SLC30A8: variants seen among roughly 807,000 people sequenced by gnomAD.
SLC30A8 encodes proton-coupled zinc antiporter SLC30A8.
SLC30A8 carries 27 observed loss-of-function variants against 36.9 expected under a neutral mutation model. That is an observed-to-expected ratio of 0.73 (90% confidence interval 0.54 to 1.01). The LOEUF (loss-of-function observed/expected upper bound fraction) is 1.01. Among genes scored for constraint, SLC30A8 ranks in the 50% least tolerant of loss-of-function variants. The pLI, the probability that SLC30A8 is intolerant of heterozygous loss-of-function variation, is 0.00. For missense variants in SLC30A8, 439 were observed against 452.0 expected (o/e 0.97, Z 0.26); for synonymous variants, 164 against 172.4 (o/e 0.95, Z 0.38).
At chr8:117,107,195 A>T (rs983318292) in intron 2 of SLC30A8, among the ~76,000 whole-genome samples, 1 of 152,174 alleles carries the variant, frequency 6.6e-6, no homozygotes, top group Non-Finnish European at 1.5e-5. Flanking sequence ...CATCCTTATT[A>T]AAATAAGCTT....
intron 2 of SLC30A8, among the ~76,000 whole-genome samples, chr8:117,079,261 C>T (rs538319063): frequency 4.6e-5 from 7 of 152,236 alleles, no homozygotes; most frequent in South Asian, 2.1e-4. Flanking sequence ...CTGCCTGTCT[C>T]GGCCCCCTAA....
chr8:117,060,489 G>A (rs781060886), intron 2 of SLC30A8, among the ~76,000 whole-genome samples: 53 of 152,112 alleles, frequency 3.5e-4, no homozygotes, highest in Non-Finnish European at 6.6e-4. Flanking sequence ...GCAAAGGGAG[G>A]TGCATAGCCA....
chr8:116,971,606 G>T (rs185838495), intron 1 of SLC30A8, among the ~76,000 whole-genome samples: 2 of 150,144 alleles, frequency 1.3e-5, no homozygotes, highest in East Asian at 3.9e-4. Context: ...TTTTTTTCCA[G>T]AATCTTTTCC....
chr8:117,068,619 C>G (rs1818237177), intron 2 of SLC30A8, among the ~76,000 whole-genome samples: 1 of 152,108 alleles, frequency 6.6e-6, no homozygotes, highest in African/African-American at 2.4e-5. Context: ...CTCTGTCACC[C>G]AGGCTGGAGT....
intron 2 of SLC30A8, among the ~76,000 whole-genome samples, chr8:117,052,386 T>A (rs1381456087): frequency 2.6e-5 from 4 of 152,238 alleles, no homozygotes; most frequent in African/African-American, 4.8e-5. Flanking sequence ...ACTAACACAA[T>A]CTGCATCTAG....
chr8:117,065,972 G>A (rs1013162643), intron 2 of SLC30A8, among the ~76,000 whole-genome samples: 2 of 152,060 alleles, frequency 1.3e-5, no homozygotes, highest in Admixed American at 1.3e-4. Context: ...GCCACAGATG[G>A]ATCCCATGGC....
intron 2 of SLC30A8, among the ~76,000 whole-genome samples, chr8:117,115,286 C>T (rs1019644381): frequency 3.3e-5 from 5 of 151,942 alleles, no homozygotes; most frequent in African/African-American, 1.2e-4. Flanking sequence ...AGGAACTGCT[C>T]TAGTTGGTAT....
chr8:117,092,850 G>A (rs1819189924), intron 2 of SLC30A8, among the ~76,000 whole-genome samples: 1 of 152,202 alleles, frequency 6.6e-6, no homozygotes, highest in Admixed American at 6.5e-5. Context: ...CCTTGCTTCG[G>A]ACTGGAGTGA....
At chr8:117,109,695 C>A (rs548477471) in intron 2 of SLC30A8, among the ~76,000 whole-genome samples, 1 of 152,190 alleles carries the variant, frequency 6.6e-6, no homozygotes, top group Non-Finnish European at 1.5e-5. Flanking sequence ...TCGGTATTTA[C>A]GTCTGTTGAA....
rs139633237 is a variant in SLC30A8 at position 117,026,962 on chromosome 8, C to T, written c.-265-12257C>T. The stretch of plus-strand genomic sequence containing the variant: ...GGTGTGACTGATTCCATGGTCCGGG[C>T]GCCACTAGATTACCCTAACACTTTG... On this transcript the variant is annotated intron_variant, in intron 1 of 10. Coordinates refer to the SLC30A8 transcript ENST00000427715. Among the ~76,000 whole-genome samples, 16 of 151,914 alleles carry T rather than the reference C, an allele frequency of 1.1e-4. No homozygotes were observed. The East Asian group carries it at 2.9e-3, about 28-fold the overall frequency.
chr8:117,146,418 T>C (rs1423061367), intron 1 of SLC30A8, among the ~76,000 whole-genome samples: 1 of 152,202 alleles, frequency 6.6e-6, no homozygotes, highest in East Asian at 1.9e-4. Context: ...TCAACTCTTA[T>C]CATAACATTA....
chr8:117,139,872 A>G (rs1381988388), intron 1 of SLC30A8, among the ~76,000 whole-genome samples: 1 of 151,850 alleles, frequency 6.6e-6, no homozygotes, highest in Non-Finnish European at 1.5e-5. Flanking sequence ...AAAAAAAAAA[A>G]AAAAAAGTAG....
intron 1 of SLC30A8, among the ~76,000 whole-genome samples, chr8:117,020,926 A>G (rs1184632976): frequency 6.6e-6 from 1 of 152,188 alleles, no homozygotes; most frequent in Non-Finnish European, 1.5e-5. Flanking sequence ...TCTGGACTGC[A>G]GTGGTATTCG....
chr8:117,024,090 G>C (rs1816796573), intron 1 of SLC30A8, among the ~76,000 whole-genome samples: 2 of 152,202 alleles, frequency 1.3e-5, no homozygotes, highest in African/African-American at 4.8e-5. Context: ...TGGATGTCTA[G>C]TATCAATGTT....
intron 2 of SLC30A8, among the ~76,000 whole-genome samples, chr8:117,070,448 A>G (rs1393668026): frequency 3.9e-5 from 6 of 152,192 alleles, no homozygotes; most frequent in Non-Finnish European, 1.5e-5. Flanking sequence ...CAGCATTTCA[A>G]TAGCACAAAA....
upstream of SLC30A8, among the ~76,000 whole-genome samples, chr8:117,132,483 G>T (rs552178145): frequency 6.6e-6 from 1 of 152,116 alleles, no homozygotes; most frequent in Admixed American, 6.6e-5. Context: ...AGGAGAGTGG[G>T]CGGAGAAGAC....
rs150539234 is a variant in SLC30A8 at position 117,106,060 on chromosome 8, A to T, written c.-225-29220A>T. Among the ~76,000 whole-genome samples the T allele has an allele frequency of 4.8e-3, 735 of 152,230 alleles. 4 individuals are homozygous for T. The highest frequency in any genetic ancestry group is 0.017 in the Middle Eastern group (5 of 294). ...ACTGGTGATAGTATTGGCTTTATTA[A>T]TCTCTCATTCTCTCACTTATTCATT... On this transcript the variant is annotated intron_variant, in intron 2 of 10. Transcript: ENST00000427715.
intron 1 of SLC30A8, among the ~76,000 whole-genome samples, chr8:116,959,385 G>A (rs1347531641): frequency 6.6e-6 from 1 of 152,030 alleles, no homozygotes; most frequent in Admixed American, 6.6e-5. Context: ...GTTTTAAGGT[G>A]TTTATCTGTC....
chr8:117,126,959 G>A (rs1302087322), intron 2 of SLC30A8, among the ~76,000 whole-genome samples: 1 of 151,942 alleles, frequency 6.6e-6, no homozygotes, highest in Non-Finnish European at 1.5e-5. Flanking sequence ...ACAGTACTGG[G>A]GCATCTAATA....
Sources: allele counts gnomAD v4.1 joint callset (sites outside exome capture counted in the v4.1 genomes callset), GRCh38; gene constraint gnomAD v4.1.1; transcripts MANE v1.5; gene names NCBI Gene and HGNC (gene_info 2026-07-23, HGNC 2026-07-21).